The following CNTN1 variants were observed in gnomAD, a reference collection of about 807,000 sequenced individuals.
CNTN1 encodes the protein contactin 1.
Under a neutral mutation model 126.4 loss-of-function variants are expected in CNTN1, and 38 were observed. The ratio of observed to expected loss-of-function variants is 0.30; its 90% CI spans 0.23 to 0.39. The LOEUF is 0.39. Among genes scored for constraint, CNTN1 ranks in the 10% least tolerant of loss-of-function variants. The pLI is 1.00. For synonymous variants in CNTN1, 413 were observed against 422.6 expected, an observed-to-expected ratio of 0.98 and a Z score of 0.28; for missense variants, 1,009 against 1,248.4, an observed-to-expected ratio of 0.81 and a Z score of 2.89.
chr12:40,814,575 A>G (rs1461659365), intron 1 of CNTN1, among the ~76,000 whole-genome samples: 3 of 152,196 alleles, frequency 2.0e-5, no homozygotes, highest in Non-Finnish European at 2.9e-5. Flanking sequence ...TGGTACTAGT[A>G]TCATGCTGTT....
intron 1 of CNTN1, among the ~76,000 whole-genome samples, chr12:40,903,890 A>G (rs1944704268): frequency 6.6e-6 from 1 of 152,220 alleles, no homozygotes; most frequent in African/African-American, 2.4e-5. Context: ...AATAAACCAC[A>G]TATTTCAAAA....
At chr12:41,064,148 T>C (rs894500824) in intron 23 of CNTN1, among the ~76,000 whole-genome samples, 13 of 142,092 alleles carry the variant, frequency 9.1e-5, no homozygotes, top group African/African-American at 3.5e-4. Flanking sequence ...CACTGCAGCC[T>C]GGGCGACTGA....
chr12:40,954,265 T>G (rs12296676), intron 14 of CNTN1, among the ~76,000 whole-genome samples: 70,942 of 151,870 alleles, frequency 0.47, 16,567 homozygotes, highest in Admixed American at 0.5. Flanking sequence ...TTATTGAATA[T>G]TTAGTATCAA....
chr12:40,950,238 T>C (rs1353917534), intron 14 of CNTN1, among the ~76,000 whole-genome samples: 2 of 151,824 alleles, frequency 1.3e-5, no homozygotes, highest in African/African-American at 2.4e-5. Context: ...AGAACCAAGC[T>C]TGAGAAACGT....
At chr12:40,813,038 C>CCTTTCTTTCTTT (rs72232368) in intron 1 of CNTN1, among the ~76,000 whole-genome samples, 1 of 84,950 alleles carries the variant, frequency 1.2e-5, no homozygotes, top group African/African-American at 4.0e-5. Context: ...CTCTTTCTTT[C>CCTTTCTTTCTTT]CTTTCTTTCT....
chr12:40,936,720 T>G, intron 9 of CNTN1, 61 bp from the exon 10 acceptor site: 1 of 1,593,220 alleles, frequency 6.3e-7, no homozygotes, highest in Non-Finnish European at 8.6e-7. Flanking sequence ...ATTTATACTC[T>G]GGAGATTATG....
chr12:41,067,554 G>A (rs1950072071), intron 23 of CNTN1, among the ~76,000 whole-genome samples: 1 of 148,702 alleles, frequency 6.7e-6, no homozygotes, highest in Admixed American at 6.8e-5. Flanking sequence ...ACTCATAGGT[G>A]GGAATTGAAC....
At chr12:40,903,667 C>A (rs1359504227) in intron 1 of CNTN1, among the ~76,000 whole-genome samples, 1 of 152,078 alleles carries the variant, frequency 6.6e-6, no homozygotes, top group Admixed American at 6.6e-5. Context: ...ATGAAAGATA[C>A]TTTTATACCC....
intron 16 of CNTN1, among the ~76,000 whole-genome samples, chr12:40,990,416 G>A (rs1430968754): frequency 6.6e-6 from 1 of 151,980 alleles, no homozygotes; most frequent in Admixed American, 6.6e-5. Flanking sequence ...TCTTCCTAGG[G>A]TCCACCTGCT....
At chr12:40,996,994 C>T (rs961160084) in intron 17 of CNTN1, among the ~76,000 whole-genome samples, 3 of 152,216 alleles carry the variant, frequency 2.0e-5, no homozygotes, top group Non-Finnish European at 4.4e-5. Context: ...GATTGAAAGA[C>T]ATGACATTAT....
chr12:40,922,159 A>G (rs895089203), intron 4 of CNTN1, 97 bp from the exon 5 acceptor site: 5 of 990,826 alleles, frequency 5.0e-6, no homozygotes, highest in South Asian at 1.3e-5. Context: ...CTGACTTCAC[A>G]TGGAGCCGTA....
chr12:40,741,458 A>G (rs1400997255), intron 1 of CNTN1, among the ~76,000 whole-genome samples: 4 of 152,102 alleles, frequency 2.6e-5, no homozygotes, highest in African/African-American at 9.7e-5. Flanking sequence ...ATACACCACA[A>G]AAAGAAATAA....
rs557946370 is a variant in CNTN1 at position 40,967,003 on chromosome 12, T to G, written c.1804+7769T>G. Among the ~76,000 whole-genome samples, 24 of 152,124 alleles carry G rather than the reference T, an allele frequency of 1.6e-4. 1 individual carries two copies. The highest frequency in any genetic ancestry group is 6.8e-3 in the Middle Eastern group (2 of 294). ...TCAGCTTTTGGCAAACTGGAATTTC[T>G]TTTTTTGCTGCACATTTAGTGTGTA... On this transcript the variant is annotated intron_variant, in intron 15 of 23. Coordinates refer to ENST00000551295, the MANE Select transcript of CNTN1 (RefSeq NM_001843.4).
At position 40,803,305 on chromosome 12, in the gene CNTN1, A is replaced by G. The variant is rs73112691; in HGVS notation, c.-76-105052A>G. Among the ~76,000 whole-genome samples, 310 of 152,126 alleles carry G rather than the reference A, an allele frequency of 2.0e-3. 1 individual carries two copies. Among genetic ancestry groups the G allele is most frequent in the Admixed American group, 3.5e-3 (53 of 15,224 alleles). On this transcript the variant is annotated intron_variant, in intron 1 of 23. Coordinates refer to ENST00000551295, the MANE Select transcript of CNTN1 (RefSeq NM_001843.4). ...TTCAACATTGTCTCATCCCTTCTTAAAATGAGTTATTCATTTGTAAACTGC... is the reference window on the plus strand; with the variant it reads ...TTCAACATTGTCTCATCCCTTCTTAGAATGAGTTATTCATTTGTAAACTGC...
chr12:40,917,517 C>T (rs534901420), intron 3 of CNTN1, among the ~76,000 whole-genome samples: 4 of 152,176 alleles, frequency 2.6e-5, no homozygotes, highest in Admixed American at 6.5e-5. Flanking sequence ...AAAGGAAGCT[C>T]GAACAGCACT....
At chr12:40,955,671 GT>G (rs758765381) in intron 14 of CNTN1, among the ~76,000 whole-genome samples, 9 of 152,112 alleles carry the variant, frequency 5.9e-5, no homozygotes, top group Non-Finnish European at 1.2e-4. Context: ...TAAGTACTTT[GT>G]ATGTAATAAT....
At chr12:41,041,756 G>A (rs1949416767) in intron 23 of CNTN1, among the ~76,000 whole-genome samples, 2 of 152,102 alleles carry the variant, frequency 1.3e-5, no homozygotes, top group Admixed American at 6.5e-5. Flanking sequence ...GGGATCAGTG[G>A]TGATATCCTC....
chr12:40,885,403 G>A (rs1056518850), intron 1 of CNTN1, among the ~76,000 whole-genome samples: 3 of 151,848 alleles, frequency 2.0e-5, no homozygotes, highest in African/African-American at 7.2e-5. Flanking sequence ...ATTTTCAATT[G>A]GTGGGATTAT....
At chr12:40,712,313 G>T (rs1480929449) in intron 1 of CNTN1, among the ~76,000 whole-genome samples, 1 of 152,112 alleles carries the variant, frequency 6.6e-6, no homozygotes, top group African/African-American at 2.4e-5. Flanking sequence ...AGAGCATACT[G>T]CCATGTCAGT....
Sources: allele counts gnomAD v4.1 joint callset (sites outside exome capture counted in the v4.1 genomes callset), GRCh38; gene constraint gnomAD v4.1.1; transcripts MANE v1.5; gene names NCBI Gene and HGNC (gene_info 2026-07-23, HGNC 2026-07-21).